The following AKT3 variants were observed in gnomAD, a reference collection of about 807,000 sequenced individuals.
AKT3 encodes the protein RAC-gamma serine/threonine-protein kinase.
Under a neutral mutation model 65.3 loss-of-function variants are expected in AKT3, and 15 were observed. The ratio of observed to expected loss-of-function variants is 0.23; its 90% CI spans 0.15 to 0.35. AKT3 has a LOEUF of 0.35. Among genes scored for constraint, AKT3 ranks in the 10% least tolerant of loss-of-function variants. The pLI is 1.00. For synonymous variants in AKT3, 206 were observed against 183.8 expected (o/e 1.12, Z -0.98); for missense variants, 243 against 576.5 (o/e 0.42, Z 5.92).
chr1:243,721,780 G>T (rs1230161472), intron 2 of AKT3, among the ~76,000 whole-genome samples: 1 of 151,988 alleles, frequency 6.6e-6, no homozygotes, highest in Non-Finnish European at 1.5e-5. Flanking sequence ...AGAATTAAAA[G>T]AATGCCACTG....
At chr1:243,524,300 T>C (rs1480726169) in intron 12 of AKT3, among the ~76,000 whole-genome samples, 1 of 152,214 alleles carries the variant, frequency 6.6e-6, no homozygotes, top group African/African-American at 2.4e-5. Flanking sequence ...TTTGGTGTTT[T>C]GGCCACTGGT....
intron 2 of AKT3, among the ~76,000 whole-genome samples, chr1:243,769,119 T>A (rs1690013930): frequency 6.6e-6 from 1 of 152,204 alleles, no homozygotes; most frequent in Non-Finnish European, 1.5e-5. Context: ...TGTGTGTAGT[T>A]TTTTTCACTT....
intron 2 of AKT3, among the ~76,000 whole-genome samples, chr1:243,828,089 C>A (rs1374800551): frequency 6.6e-6 from 1 of 151,740 alleles, no homozygotes; most frequent in African/African-American, 2.4e-5. Flanking sequence ...ACAACAACAA[C>A]AAAACTTAAA....
downstream of AKT3, among the ~76,000 whole-genome samples, chr1:243,498,080 G>A (rs557950750): frequency 2.8e-4 from 43 of 152,292 alleles, no homozygotes; most frequent in African/African-American, 9.9e-4. Flanking sequence ...TGTCAAGAGC[G>A]AGGCCACCAG....
At chr1:243,824,441 A>G (rs958090254) in intron 2 of AKT3, among the ~76,000 whole-genome samples, 28 of 152,344 alleles carry the variant, frequency 1.8e-4, no homozygotes, top group Non-Finnish European at 1.5e-5. Context: ...GCTTCTGCAC[A>G]GCAAAAGAAA....
At chr1:243,598,395 T>G (rs966129648) in intron 8 of AKT3, among the ~76,000 whole-genome samples, 8 of 151,590 alleles carry the variant, frequency 5.3e-5, no homozygotes, top group Non-Finnish European at 1.2e-4. Context: ...GACTACATAG[T>G]TTTTTTTTAT....
intron 3 of AKT3, among the ~76,000 whole-genome samples, 153 bp from the exon 4 acceptor site, chr1:243,665,036 T>TA (rs1224659158): frequency 2.0e-5 from 3 of 152,226 alleles, no homozygotes; most frequent in Non-Finnish European, 2.9e-5. Flanking sequence ...AGCCTGACCT[T>TA]AGTCTTCCTT....
chr1:243,570,166 G>A (rs1674457055), intron 9 of AKT3, among the ~76,000 whole-genome samples: 1 of 152,184 alleles, frequency 6.6e-6, no homozygotes, highest in South Asian at 2.1e-4. Flanking sequence ...GCACATAAAA[G>A]AAGGCTCTGC....
At chr1:243,699,580 T>C (rs997420517) in intron 2 of AKT3, among the ~76,000 whole-genome samples, 1 of 149,066 alleles carries the variant, frequency 6.7e-6, no homozygotes, top group Non-Finnish European at 1.5e-5. Flanking sequence ...TGTTGAAGTA[T>C]GCTGTTATCA....
intron 2 of AKT3, among the ~76,000 whole-genome samples, chr1:243,712,269 C>T (rs955143567): frequency 1.3e-5 from 2 of 152,106 alleles, no homozygotes; most frequent in East Asian, 3.8e-4. Flanking sequence ...TCAGCAAACA[C>T]GGATTAGAGT....
intron 12 of AKT3, among the ~76,000 whole-genome samples, chr1:243,520,215 A>C (rs1670633519): frequency 6.6e-6 from 1 of 152,214 alleles, no homozygotes; most frequent in African/African-American, 2.4e-5. Context: ...TGGTATCTTT[A>C]CAAGAAGAGG....
chr1:243,588,675 C>T (rs1300702782), intron 8 of AKT3, among the ~76,000 whole-genome samples: 1 of 152,126 alleles, frequency 6.6e-6, no homozygotes, highest in African/African-American at 2.4e-5. Flanking sequence ...GCTAGGAAAA[C>T]TGGATATACA....
rs1233302598 is a variant in AKT3 at position 243,500,092 on chromosome 1, C to CTTGAG, written c.*5152_*5156dup. On this transcript the variant is annotated 3_prime_UTR_variant, in exon 14 of 14. Coordinates refer to ENST00000673466, the MANE Select transcript of AKT3 (RefSeq NM_005465.7). The stretch of plus-strand genomic sequence containing the variant: ...TTTCAATAAATGAACTTTTTAAAGA[C>CTTGAG]TTGAGTTGTAATGTTTCCTTTTTAT... 7.4e-6 allele frequency: 3 copies of CTTGAG among 407,854 alleles called. No homozygotes were observed. Among genetic ancestry groups the CTTGAG allele is most frequent in the African/African-American group, 5.9e-5 (3 of 50,870 alleles). 25.3% of individuals were successfully genotyped at this position (407,854 alleles called of 1,614,324 possible). A position where few individuals can be genotyped will look rare whatever the true frequency, so the allele number is the denominator to read the frequency against.
intron 13 of AKT3, among the ~76,000 whole-genome samples, chr1:243,490,248 C>T (rs1434181150): frequency 6.6e-6 from 1 of 152,256 alleles, no homozygotes; most frequent in Non-Finnish European, 1.5e-5. Context: ...CACCCAGGCG[C>T]CACGGAGCTA....
At chr1:243,654,458 T>C (rs1681613365) in intron 4 of AKT3, among the ~76,000 whole-genome samples, 1 of 152,164 alleles carries the variant, frequency 6.6e-6, no homozygotes, top group Non-Finnish European at 1.5e-5. Flanking sequence ...ATTATAGGTG[T>C]GCTAGTGACA....
At chr1:243,730,489 G>A (rs533056360) in intron 2 of AKT3, among the ~76,000 whole-genome samples, 57 of 152,214 alleles carry the variant, frequency 3.7e-4, no homozygotes, top group Non-Finnish European at 7.1e-4. Flanking sequence ...CCCATTTGCT[G>A]GACTGCAGGA....
chr1:243,745,150 G>A (rs1290647484), intron 2 of AKT3, among the ~76,000 whole-genome samples: 5 of 152,038 alleles, frequency 3.3e-5, no homozygotes, highest in Admixed American at 3.3e-4. Context: ...ACCAGCCTGG[G>A]CAATATGGTA....
At chr1:243,697,137 T>G (rs758208967) in intron 2 of AKT3, among the ~76,000 whole-genome samples, 1 of 152,030 alleles carries the variant, frequency 6.6e-6, no homozygotes, top group Non-Finnish European at 1.5e-5. Context: ...AAAATAGATT[T>G]TATAAATGTT....
downstream of AKT3, among the ~76,000 whole-genome samples, chr1:243,498,180 TCACCTGGCCTGGAGGG>T (rs1240342986): frequency 6.6e-6 from 1 of 152,178 alleles, no homozygotes; most frequent in Non-Finnish European, 1.5e-5. Context: ...GTCAGTTCGA[TCACCTGGCCTGGAGGG>T]CACGTCAGCT....
Sources: gnomAD v4.1 joint callset for allele counts (sites outside exome capture counted in the v4.1 genomes callset) on GRCh38, gnomAD v4.1.1 for gene constraint, MANE v1.5 for transcripts, NCBI Gene and HGNC (gene_info 2026-07-23, HGNC 2026-07-21) for gene names.